WWOX: variants seen among roughly 807,000 people sequenced by gnomAD.
The protein encoded by WWOX is WW domain containing oxidoreductase.
In WWOX, 69 loss-of-function variants were observed where a neutral mutation model predicts 46.2. The observed-to-expected ratio is 1.49, with a 90% CI of 1.23 to 1.82. The LOEUF is 1.82. Among genes scored for constraint, WWOX ranks in the 40% most tolerant of loss-of-function variants. WWOX has a pLI of 0.00. For missense variants in WWOX, 919 were observed against 542.6 expected (o/e 1.69, Z -6.89); for synonymous variants, 359 against 202.6 (o/e 1.77, Z -6.56).
intron 8 of WWOX, among the ~76,000 whole-genome samples, chr16:78,626,961 C>G (rs550043082): frequency 1.3e-5 from 2 of 152,248 alleles, no homozygotes; most frequent in South Asian, 2.1e-4. Flanking sequence ...GTGATGTACA[C>G]ACATCATGGT....
chr16:79,011,462 TA>T (rs1476394705), intron 8 of WWOX, among the ~76,000 whole-genome samples: 66 of 83,494 alleles, frequency 7.9e-4, no homozygotes, highest in Middle Eastern at 9.1e-3. Context: ...TTTTTTATTT[TA>T]TTTATTTATT....
At chr16:78,380,329 T>TTCCC (rs1280154302) in intron 5 of WWOX, among the ~76,000 whole-genome samples, 10 of 152,326 alleles carry the variant, frequency 6.6e-5, no homozygotes, top group Non-Finnish European at 1.3e-4. Context: ...GCAGTTATTA[T>TTCCC]CTTGATGCGG....
At chr16:78,479,930 A>G (rs958947778) in intron 8 of WWOX, among the ~76,000 whole-genome samples, 4 of 152,236 alleles carry the variant, frequency 2.6e-5, no homozygotes, top group Non-Finnish European at 4.4e-5. Context: ...ACAATGGAGC[A>G]TCTAAGAGAC....
At chr16:79,079,877 G>A (rs75749740) in intron 8 of WWOX, among the ~76,000 whole-genome samples, 1,713 of 152,244 alleles carry the variant, frequency 0.011, 16 homozygotes, top group Non-Finnish European at 0.015. Flanking sequence ...CCCATTGCAC[G>A]AATATAGAAA....
chr16:78,875,771 T>G (rs2044222360), intron 8 of WWOX, among the ~76,000 whole-genome samples: 1 of 152,142 alleles, frequency 6.6e-6, no homozygotes, highest in Non-Finnish European at 1.5e-5. Flanking sequence ...GTGTAGGCTC[T>G]GCATGTCCTG....
Position 78,859,042 on chromosome 16 carries a change from ATATATATG to A in WWOX, c.1057-352558_1057-352551del, listed in dbSNP as rs1452311728. Among the ~76,000 whole-genome samples, 192 of 25,880 alleles carry A rather than the reference ATATATATG, an allele frequency of 7.4e-3. 3 individuals are homozygous for A. The highest frequency in any genetic ancestry group is 0.013 in the Non-Finnish European group (122 of 9,400). The allele number at this position is 25,880 out of a possible 152,430, so 17.0% of individuals were successfully genotyped here. A position where few individuals can be genotyped will look rare whatever the true frequency, so the allele number is the denominator to read the frequency against. On this transcript the variant is annotated intron_variant, in intron 8 of 8. Transcript: ENST00000566780. ...AAAAAAAAAAAATATATATATATATATATATATGTATATATATATATATATATATATGA... is the reference window on the plus strand; with the variant it reads ...AAAAAAAAAAAATATATATATATATATATATATATATATATATATATATGA...
intron 8 of WWOX, among the ~76,000 whole-genome samples, chr16:78,571,604 C>T (rs1228768537): frequency 6.6e-6 from 1 of 152,126 alleles, no homozygotes; most frequent in Non-Finnish European, 1.5e-5. Context: ...TGCAGTGGCT[C>T]ACACCTGTTA....
chr16:78,679,356 G>C (rs113452131), intron 8 of WWOX, among the ~76,000 whole-genome samples: 4,132 of 152,184 alleles, frequency 0.027, 75 homozygotes, highest in East Asian at 0.066. Flanking sequence ...TTCGAGACCA[G>C]CTTGGCCATC....
In WWOX at chr16:78,731,961, C is replaced by T. The variant is rs573600205; in HGVS notation, c.1056+299209C>T. Among the ~76,000 whole-genome samples the T allele has an allele frequency of 5.3e-5, 8 of 151,622 alleles. No homozygotes were observed. In the South Asian group the frequency reaches 1.5e-3, roughly 28 times the overall value. On this transcript the variant is annotated intron_variant, in intron 8 of 8. Coordinates refer to ENST00000566780, the MANE Select transcript of WWOX (RefSeq NM_016373.4). Reference sequence around the variant, plus strand: ...CTCTGGGCTCAATTGATCCTCCTGCCTCAGCCATCTGAGTAGTTGGGACAA... The same window carrying T: ...CTCTGGGCTCAATTGATCCTCCTGCTTCAGCCATCTGAGTAGTTGGGACAA...
At chr16:78,370,818 C>T (rs569109175) in intron 5 of WWOX, among the ~76,000 whole-genome samples, 1 of 150,210 alleles carries the variant, frequency 6.7e-6, no homozygotes, top group South Asian at 2.1e-4. Flanking sequence ...ATTCTTAACC[C>T]CCTTCCAGTT....
At chr16:78,184,818 G>A (rs1416306560) in intron 5 of WWOX, among the ~76,000 whole-genome samples, 1 of 152,184 alleles carries the variant, frequency 6.6e-6, no homozygotes, top group Non-Finnish European at 1.5e-5. Flanking sequence ...GATGTCACAT[G>A]TACAGGATCA....
At chr16:78,444,419 T>C (rs2083512478) in intron 8 of WWOX, among the ~76,000 whole-genome samples, 3 of 152,166 alleles carry the variant, frequency 2.0e-5, no homozygotes, top group South Asian at 4.1e-4. Flanking sequence ...CCCACAGACA[T>C]TGTATTTCAT....
intron 8 of WWOX, among the ~76,000 whole-genome samples, chr16:78,717,623 C>G (rs778318649): frequency 6.6e-6 from 1 of 152,066 alleles, no homozygotes; most frequent in Non-Finnish European, 1.5e-5. Context: ...ATAGGAGTTT[C>G]CCCAGACACA....
intron 8 of WWOX, among the ~76,000 whole-genome samples, chr16:78,581,567 G>A (rs1036089042): frequency 1.3e-5 from 2 of 152,120 alleles, no homozygotes; most frequent in Non-Finnish European, 2.9e-5. Context: ...GATTTATTGT[G>A]AACCTCTAGG....
At chr16:78,928,532 C>G (rs2045552815) in intron 8 of WWOX, among the ~76,000 whole-genome samples, 1 of 152,122 alleles carries the variant, frequency 6.6e-6, no homozygotes, top group South Asian at 2.1e-4. Flanking sequence ...ATTTTTTCCC[C>G]TTCTGAAGTG....
At chr16:78,464,689 C>G (rs763322814) in intron 8 of WWOX, among the ~76,000 whole-genome samples, 3 of 152,150 alleles carry the variant, frequency 2.0e-5, no homozygotes, top group South Asian at 2.1e-4. Context: ...ACGTTGCCCC[C>G]ACCCGTGCAG....
At chr16:78,487,623 C>T (rs969178865) in intron 8 of WWOX, among the ~76,000 whole-genome samples, 2 of 152,132 alleles carry the variant, frequency 1.3e-5, no homozygotes, top group African/African-American at 4.8e-5. Context: ...GGCATCTGTC[C>T]TGTATCTTGG....
chr16:78,645,738 C>CTCCAA (rs1384502181), intron 8 of WWOX, among the ~76,000 whole-genome samples: 1 of 152,142 alleles, frequency 6.6e-6, no homozygotes, highest in Non-Finnish European at 1.5e-5. Flanking sequence ...CAGCCACGGC[C>CTCCAA]TCCAACATTG....
At chr16:78,955,290 A>G (rs181350819) in intron 8 of WWOX, among the ~76,000 whole-genome samples, 19 of 152,274 alleles carry the variant, frequency 1.2e-4, no homozygotes, top group Admixed American at 3.3e-4. Flanking sequence ...GCCCTAAAAT[A>G]GATATTCTCC....
Sources: gnomAD v4.1 joint callset for allele counts (sites outside exome capture counted in the v4.1 genomes callset) on GRCh38, gnomAD v4.1.1 for gene constraint, MANE v1.5 for transcripts, NCBI Gene and HGNC (gene_info 2026-07-23, HGNC 2026-07-21) for gene names.